The following SLC27A6 variants were observed in gnomAD, a reference collection of about 807,000 sequenced individuals.
SLC27A6 encodes solute carrier family 27 member 6, also known as long-chain fatty acid transport protein 6.
Under a neutral mutation model 63.9 loss-of-function variants are expected in SLC27A6, and 74 were observed. The observed-to-expected ratio is 1.16, with a 90% confidence interval of 0.96 to 1.40. The LOEUF (loss-of-function observed/expected upper bound fraction) is 1.40, where lower values mean the gene tolerates loss of function less well. SLC27A6 is among the 40% of genes most tolerant of loss of function. The probability of loss-of-function intolerance (pLI) is 0.00; values close to 1 mark genes in which losing one functional copy is unlikely to be tolerated. For missense variants in SLC27A6, 794 were observed against 732.9 expected (o/e 1.08, Z -0.96); for synonymous variants, 287 against 260.8 (o/e 1.10, Z -0.97).
intron 6 of SLC27A6, among the ~76,000 whole-genome samples, chr5:129,026,137 T>C (rs1580748996): frequency 6.6e-6 from 1 of 152,036 alleles, no homozygotes; most frequent in Admixed American, 6.6e-5. Flanking sequence ...TTATTTTTTT[T>C]AAGAGCATTA....
chr5:128,979,926 G>A (rs771521501), intron 1 of SLC27A6, among the ~76,000 whole-genome samples: 8 of 152,064 alleles, frequency 5.3e-5, no homozygotes, highest in Non-Finnish European at 5.9e-5. Context: ...TTCACTCCTC[G>A]AGAACTTTGC....
chr5:128,993,066 C>A (rs1390366399), intron 4 of SLC27A6, among the ~76,000 whole-genome samples: 1 of 152,132 alleles, frequency 6.6e-6, no homozygotes. Context: ...ATGTAAATAG[C>A]CAAAGTATGT....
chr5:128,983,817 G>A (rs1750697138), intron 1 of SLC27A6, among the ~76,000 whole-genome samples: 1 of 152,062 alleles, frequency 6.6e-6, no homozygotes, highest in African/African-American at 2.4e-5. Flanking sequence ...TCACAGTTCT[G>A]GGGGCTAGAC....
chr5:129,017,660 A>C (rs184272505), intron 5 of SLC27A6, among the ~76,000 whole-genome samples: 1 of 152,272 alleles, frequency 6.6e-6, no homozygotes, highest in East Asian at 1.9e-4. Context: ...CAGGAATGGA[A>C]AAGGGAACAT....
intron 1 of SLC27A6, among the ~76,000 whole-genome samples, chr5:128,969,711 A>C (rs1479836840): frequency 6.6e-6 from 1 of 152,180 alleles, no homozygotes; most frequent in Non-Finnish European, 1.5e-5. Context: ...ATCTGCAAAC[A>C]GGGACAATTT....
chr5:128,981,470 G>C (rs1750583020), intron 1 of SLC27A6, among the ~76,000 whole-genome samples: 1 of 147,016 alleles, frequency 6.8e-6, no homozygotes, highest in Admixed American at 6.8e-5. Flanking sequence ...GACAGAGTGA[G>C]ACTCCATCTC....
rs556974230 is a variant in SLC27A6 at position 128,970,382 on chromosome 5, T to G, written c.481+3764T>G. On this transcript the variant is annotated intron_variant, in intron 1 of 9. Transcript: ENST00000262462. Reference sequence around the variant, plus strand: ...TGGTAGAATTCGTTGTGAACCCATCTTGTCCTGCACTTTTTTTGGTTGGTA... The same window carrying G: ...TGGTAGAATTCGTTGTGAACCCATCGTGTCCTGCACTTTTTTTGGTTGGTA... Among the ~76,000 whole-genome samples the G allele has an allele frequency of 2.6e-5, 4 of 152,300 alleles. No individual in the cohort carries two copies. In the South Asian group the frequency reaches 8.3e-4, roughly 32 times the overall value.
chr5:128,990,847 G>A (rs1023815790), intron 4 of SLC27A6, among the ~76,000 whole-genome samples: 6 of 152,326 alleles, frequency 3.9e-5, no homozygotes, highest in South Asian at 2.1e-4. Flanking sequence ...CCTCTAGCCC[G>A]ATTGGGAGCG....
chr5:129,002,304 T>C (rs566562061), intron 4 of SLC27A6, among the ~76,000 whole-genome samples: 5 of 152,372 alleles, frequency 3.3e-5, no homozygotes, highest in South Asian at 2.1e-4. Context: ...TTCAGCTTCA[T>C]TGAGTAAAGA....
At chr5:129,000,917 T>C (rs1290440388) in intron 4 of SLC27A6, among the ~76,000 whole-genome samples, 1 of 152,216 alleles carries the variant, frequency 6.6e-6, no homozygotes, top group African/African-American at 2.4e-5. Flanking sequence ...AAAGCAGCTA[T>C]TCAGAGTAAG....
intron 1 of SLC27A6, among the ~76,000 whole-genome samples, chr5:128,977,642 G>A (rs999556519): frequency 2.6e-5 from 4 of 152,164 alleles, no homozygotes; most frequent in African/African-American, 9.7e-5. Flanking sequence ...GTATGAGCTT[G>A]AGTAGAGTAT....
chr5:129,024,093 A>T (rs1752162166), intron 6 of SLC27A6, among the ~76,000 whole-genome samples: 1 of 152,116 alleles, frequency 6.6e-6, no homozygotes, highest in African/African-American at 2.4e-5. Context: ...TAGTGAATTT[A>T]AAAAGGAGAG....
At chr5:129,025,495 T>C (rs149266570) in intron 6 of SLC27A6, among the ~76,000 whole-genome samples, 177 of 152,084 alleles carry the variant, frequency 1.2e-3, no homozygotes, top group African/African-American at 4.0e-3. Flanking sequence ...CTGTATGACA[T>C]TGGGCAAATT....
intron 4 of SLC27A6, among the ~76,000 whole-genome samples, chr5:128,997,782 C>T (rs1048881890): frequency 7.2e-5 from 11 of 152,216 alleles, no homozygotes; most frequent in South Asian, 2.1e-4. Flanking sequence ...GCATTGGCTA[C>T]GGAATCTAAT....
chr5:129,026,727 A>G (rs1177210088), intron 6 of SLC27A6, among the ~76,000 whole-genome samples: 1 of 152,150 alleles, frequency 6.6e-6, no homozygotes, highest in African/African-American at 2.4e-5. Context: ...GCTCATGGTA[A>G]ATGCCCAATA....
rs1750068736 is a variant in SLC27A6, at chr5:128,969,837, G to T, written c.481+3219G>T. Reference sequence around the variant, plus strand: ...TGGTGAGAGAGGGCATCCCTGTCTTGTGCCAGTTTTCAAAGGGAATGCTTC... The same window carrying T: ...TGGTGAGAGAGGGCATCCCTGTCTTTTGCCAGTTTTCAAAGGGAATGCTTC... On this transcript the variant is annotated intron_variant, in intron 1 of 9. Coordinates refer to ENST00000262462, the MANE Select transcript of SLC27A6 (RefSeq NM_001017372.3). Among the ~76,000 whole-genome samples the T allele has an allele frequency of 1.3e-5, 2 of 152,274 alleles. 1 individual carries two copies. Among genetic ancestry groups the T allele is most frequent in the Non-Finnish European group, 2.9e-5 (2 of 68,018 alleles).
At chr5:129,020,766 C>G (rs1159908760) in intron 5 of SLC27A6, among the ~76,000 whole-genome samples, 1 of 151,992 alleles carries the variant, frequency 6.6e-6, no homozygotes, top group Non-Finnish European at 1.5e-5. Context: ...TCAGGAGTCC[C>G]AAAGACCACT....
At chr5:129,012,167 T>C (rs1428888473) in intron 4 of SLC27A6, among the ~76,000 whole-genome samples, 2 of 152,018 alleles carry the variant, frequency 1.3e-5, no homozygotes, top group African/African-American at 2.4e-5. Context: ...ATTTTTCTTA[T>C]ACAGTTCAAA....
rs371365274 is a variant in SLC27A6, at chr5:129,021,470, C to T, written c.1165-2150C>T. 1.6e-4 allele frequency among the ~76,000 whole-genome samples: 24 copies of T among 152,238 alleles called. No individual in the cohort carries two copies. The East Asian group carries it at 3.1e-3, about 20-fold the overall frequency. On this transcript the variant is annotated intron_variant, in intron 5 of 9. Coordinates refer to ENST00000262462, the MANE Select transcript of SLC27A6 (RefSeq NM_001017372.3). ...TTACAAATCTGAATCTGCAAAGATACGTGGGTGTGGATAAAATCTCCCAGG... is the reference window on the plus strand; with the variant it reads ...TTACAAATCTGAATCTGCAAAGATATGTGGGTGTGGATAAAATCTCCCAGG...
Sources: allele counts gnomAD v4.1 joint callset (sites outside exome capture counted in the v4.1 genomes callset), GRCh38; gene constraint gnomAD v4.1.1; transcripts MANE v1.5; gene names NCBI Gene and HGNC (gene_info 2026-07-23, HGNC 2026-07-21).